Variants in GRM3 observed in about 807,000 individuals in gnomAD.
The protein encoded by GRM3 is metabotropic glutamate receptor 3.
GRM3 carries 26 observed loss-of-function variants against 70.5 expected under a neutral mutation model. That is an observed-to-expected ratio of 0.37 (90% CI 0.27 to 0.51). GRM3 has a LOEUF of 0.51. Ranked by LOEUF, GRM3 falls within the 20% of genes least tolerant of loss-of-function variation. The pLI is 0.93. For synonymous variants in GRM3, 443 were observed against 434.9 expected (o/e 1.02, Z -0.23); for missense variants, 859 against 1,123.8 (o/e 0.76, Z 3.37).
intron 1 of GRM3, among the ~76,000 whole-genome samples, chr7:86,721,657 G>C (rs193039596): frequency 8.5e-4 from 129 of 152,110 alleles, no homozygotes; most frequent in African/African-American, 3.1e-3. Context: ...CTCTATCATC[G>C]AGCCAAAGGG....
intron 5 of GRM3, 60 bp downstream of exon 5, chr7:86,850,604 G>A (rs1798738672): frequency 2.7e-6 from 3 of 1,116,606 alleles, no homozygotes; most frequent in African/African-American, 1.5e-5. Context: ...GGACCAGCCT[G>A]CCAAGAACAG....
At position 86,765,518 on chromosome 7, in the gene GRM3, T is replaced by C; in HGVS notation, c.373T>C (p.Tyr125His). 2 of 1,613,776 alleles carry C rather than the reference T, an allele frequency of 1.2e-6. No homozygotes were observed. The highest frequency in any genetic ancestry group is 1.7e-6 in the Non-Finnish European group (2 of 1,179,832). Residue 125 changes from tyrosine to histidine, a missense_variant, in exon 2 of 6, where the codon TAT becomes CAT. Tyr to His is a moderately conservative substitution (Grantham distance 83). Coordinates refer to ENST00000361669, the MANE Select transcript of GRM3 (RefSeq NM_000840.3). ...ASLTKVDEAE[Y>H]MCPDGSYAIQ... ...TTTGACAAAAGTGGATGAAGCTGAGTATATGTGTCCTGATGGATCCTATGC... is the reference window on the plus strand; with the variant it reads ...TTTGACAAAAGTGGATGAAGCTGAGCATATGTGTCCTGATGGATCCTATGC...
intron 4 of GRM3, among the ~76,000 whole-genome samples, chr7:86,849,642 G>T (rs1332383863): frequency 1.3e-5 from 2 of 152,054 alleles, no homozygotes; most frequent in African/African-American, 4.8e-5. Context: ...AAGTTACTCT[G>T]GGATGAGAAT....
At chr7:86,667,164 T>C (rs1374642059) in intron 1 of GRM3, among the ~76,000 whole-genome samples, 4 of 152,074 alleles carry the variant, frequency 2.6e-5, no homozygotes, top group African/African-American at 7.2e-5. Flanking sequence ...ACTGATGTTC[T>C]ACATATACCA....
intron 1 of GRM3, among the ~76,000 whole-genome samples, chr7:86,686,673 C>A (rs1005695422): frequency 6.6e-6 from 1 of 151,948 alleles, no homozygotes; most frequent in South Asian, 2.1e-4. Context: ...CTATAGCTGA[C>A]AAAAAACAAA....
chr7:86,850,598 C>T (rs1182533739), intron 5 of GRM3, 54 bp downstream of exon 5: 31 of 1,212,604 alleles, frequency 2.6e-5, no homozygotes, highest in Non-Finnish European at 3.8e-5. Context: ...TAGTCAGGAC[C>T]AGCCTGCCAA....
intron 1 of GRM3, among the ~76,000 whole-genome samples, chr7:86,748,479 G>T (rs1202329153): frequency 2.7e-5 from 4 of 150,196 alleles, no homozygotes; most frequent in South Asian, 4.3e-4. Context: ...TTTCATTCAG[G>T]GGAAGAGCTT....
At chr7:86,811,516 T>C (rs1448616215) in intron 3 of GRM3, among the ~76,000 whole-genome samples, 1 of 151,778 alleles carries the variant, frequency 6.6e-6, no homozygotes, top group East Asian at 1.9e-4. Context: ...GCAGCTTAGA[T>C]GACACTATTT....
chr7:86,809,315 A>G (rs1002209679), intron 3 of GRM3, among the ~76,000 whole-genome samples: 4 of 152,078 alleles, frequency 2.6e-5, no homozygotes, highest in African/African-American at 9.7e-5. Flanking sequence ...GTGTTTCTAC[A>G]GAAATCTGTA....
At chr7:86,827,758 C>G (rs1461745943) in intron 3 of GRM3, among the ~76,000 whole-genome samples, 1 of 152,140 alleles carries the variant, frequency 6.6e-6, no homozygotes, top group Admixed American at 6.5e-5. Context: ...AGGCGATCCA[C>G]CTCCCAAAGT....
intron 3 of GRM3, among the ~76,000 whole-genome samples, chr7:86,791,295 T>A (rs887203055): frequency 6.6e-6 from 1 of 152,244 alleles, no homozygotes; most frequent in East Asian, 1.9e-4. Flanking sequence ...ATAATATGAT[T>A]GCTTTGAAAA....
At chr7:86,791,494 C>T (rs1797417102) in intron 3 of GRM3, among the ~76,000 whole-genome samples, 1 of 151,944 alleles carries the variant, frequency 6.6e-6, no homozygotes, top group African/African-American at 2.4e-5. Flanking sequence ...TAGATGAATC[C>T]CAAGAATTGA....
At chr7:86,833,945 A>G (rs1798407002) in intron 3 of GRM3, among the ~76,000 whole-genome samples, 1 of 152,232 alleles carries the variant, frequency 6.6e-6, no homozygotes, top group Admixed American at 6.5e-5. Context: ...CAAATTTAGT[A>G]AAAGGTAAAT....
intron 3 of GRM3, among the ~76,000 whole-genome samples, chr7:86,801,437 T>A (rs60525216): frequency 0.054 from 8,184 of 152,228 alleles, 704 homozygotes; most frequent in African/African-American, 0.18. Context: ...ATTGAGTGTT[T>A]TAGAGCTAGT....
chr7:86,805,125 G>C (rs1797762258), intron 3 of GRM3, among the ~76,000 whole-genome samples: 1 of 152,048 alleles, frequency 6.6e-6, no homozygotes. Flanking sequence ...AATAAAAATA[G>C]AAGGGAAGAT....
chr7:86,703,077 C>A (rs1407589459), intron 1 of GRM3, among the ~76,000 whole-genome samples: 1 of 151,886 alleles, frequency 6.6e-6, no homozygotes, highest in Non-Finnish European at 1.5e-5. Flanking sequence ...TCACTGGAAA[C>A]CCTGACAATG....
At chr7:86,847,456 T>G (rs1798675972) in intron 4 of GRM3, among the ~76,000 whole-genome samples, 1 of 152,160 alleles carries the variant, frequency 6.6e-6, no homozygotes, top group African/African-American at 2.4e-5. Context: ...CAAAAGAATA[T>G]GTCATGGTGG....
In GRM3 at chr7:86,839,287, A is replaced by C. The variant is rs769178586; in HGVS notation, c.1773A>C (p.Thr591=). 4 of 1,613,698 alleles carry C rather than the reference A, an allele frequency of 2.5e-6. No individual in the cohort carries two copies. The Admixed American group carries it at 5.0e-5, about 20-fold the overall frequency. ...VTIACLGFMC[T]CMVVTVFIKH... ...TTGCCTGTCTGGGTTTTATGTGTAC[A>C]TGCATGGTTGTAACTGTTTTTATCA... The change falls in exon 4 of 6, where the codon ACA becomes ACC. Residue 591 remains threonine, a synonymous_variant. Transcript: ENST00000361669. This position sits in a 1 kb window ranked among gnomAD's most constrained non-coding sequence, Gnocchi z 4.5.
At chr7:86,815,847 A>G (rs2116669676) in intron 3 of GRM3, among the ~76,000 whole-genome samples, 1 of 152,014 alleles carries the variant, frequency 6.6e-6, no homozygotes, top group Non-Finnish European at 1.5e-5. Context: ...CTCTTAGTCT[A>G]TCCTACTGCC....
Sources: gnomAD v4.1 joint callset for allele counts (sites outside exome capture counted in the v4.1 genomes callset) on GRCh38, gnomAD v4.1.1 for gene constraint, Gnocchi (gnomAD v3.1) non-coding constraint, MANE v1.5 for transcripts, NCBI Gene and HGNC (gene_info 2026-07-23, HGNC 2026-07-21) for gene names.